SPATS2L: variants seen among roughly 807,000 people sequenced by gnomAD.
SPATS2L encodes the protein SPATS2-like protein.
In SPATS2L, 30 loss-of-function variants were observed where a neutral mutation model predicts 59.6. The observed-to-expected ratio is 0.50, with a 90% confidence interval of 0.38 to 0.68. SPATS2L has a LOEUF of 0.68. SPATS2L is among the 30% of genes least tolerant of loss of function. The pLI, the probability that SPATS2L is intolerant of heterozygous loss-of-function variation, is 0.00. For synonymous variants in SPATS2L, 252 were observed against 263.5 expected (o/e 0.96, Z 0.42); for missense variants, 615 against 700.0 (o/e 0.88, Z 1.37).
intron 8 of SPATS2L, among the ~76,000 whole-genome samples, chr2:200,458,875 A>G (rs1169220426): frequency 6.6e-6 from 1 of 152,212 alleles, no homozygotes; most frequent in Non-Finnish European, 1.5e-5. Context: ...TTAAAGATAT[A>G]TATTTAAATA....
intron 7 of SPATS2L, 66 bp from the exon 8 acceptor site, chr2:200,440,583 G>A: frequency 1.3e-6 from 2 of 1,491,882 alleles, no homozygotes; most frequent in South Asian, 2.4e-5. Context: ...GCTTTGTTTT[G>A]TTGTTTAGCT....
intron 2 of SPATS2L, among the ~76,000 whole-genome samples, chr2:200,345,304 C>T (rs1233105215): frequency 6.6e-6 from 1 of 152,070 alleles, no homozygotes; most frequent in African/African-American, 2.4e-5. Context: ...CCAGTTATTC[C>T]AGCAACAAAG....
At chr2:200,308,774 C>G (rs1247313049) in intron 1 of SPATS2L, 1 of 415,176 alleles carries the variant, frequency 2.4e-6, no homozygotes, top group African/African-American at 2.0e-5. Context: ...TGGCAATTTT[C>G]TTTCTTTAAT....
At chr2:200,385,233 C>A (rs995594250) in intron 2 of SPATS2L, among the ~76,000 whole-genome samples, 1 of 152,162 alleles carries the variant, frequency 6.6e-6, no homozygotes, top group Admixed American at 6.5e-5. Context: ...CACTGTAGGT[C>A]CTAAAAATCA....
At chr2:200,326,505 T>C (rs2079748176) in intron 1 of SPATS2L, among the ~76,000 whole-genome samples, 1 of 152,226 alleles carries the variant, frequency 6.6e-6, no homozygotes, top group Non-Finnish European at 1.5e-5. Context: ...TGAGCATTTT[T>C]CCTCAAAGTT....
At chr2:200,426,756 A>G (rs1200205028) in intron 6 of SPATS2L, among the ~76,000 whole-genome samples, 1 of 152,250 alleles carries the variant, frequency 6.6e-6, no homozygotes, top group East Asian at 1.9e-4. Context: ...TATATTTTAA[A>G]GCACATAATT....
intron 2 of SPATS2L, among the ~76,000 whole-genome samples, chr2:200,363,249 C>G (rs2081166878): frequency 6.6e-6 from 1 of 151,990 alleles, no homozygotes; most frequent in Admixed American, 6.6e-5. Flanking sequence ...TGCATTACTT[C>G]AGCAATATCC....
chr2:200,472,716 T>C (rs2087152153), intron 11 of SPATS2L, 116 bp from the exon 12 acceptor site: 4 of 871,472 alleles, frequency 4.6e-6, no homozygotes, highest in Non-Finnish European at 5.4e-6. Flanking sequence ...GAAAACTTTT[T>C]AATGTTTTTG....
chr2:200,473,082 G>GTAA, intron 12 of SPATS2L, 30 bp downstream of exon 12: 2 of 1,421,234 alleles, frequency 1.4e-6, no homozygotes, highest in Non-Finnish European at 9.4e-7. Context: ...GGGTGCCAGA[G>GTAA]GAAAAAAAAA....
chr2:200,412,490 T>C, intron 4 of SPATS2L, 71 bp downstream of exon 4: 1 of 835,396 alleles, frequency 1.2e-6, no homozygotes, highest in Non-Finnish European at 1.8e-6. Flanking sequence ...ATTTTTTCCT[T>C]AAATGAACTG....
chr2:200,385,052 G>A (rs752372380), intron 2 of SPATS2L, among the ~76,000 whole-genome samples: 2 of 152,166 alleles, frequency 1.3e-5, no homozygotes, highest in African/African-American at 4.8e-5. Context: ...GAGAAACCAG[G>A]TTCTTCTCAA....
intron 11 of SPATS2L, among the ~76,000 whole-genome samples, chr2:200,470,529 A>G (rs1574726138): frequency 6.6e-6 from 1 of 152,194 alleles, no homozygotes; most frequent in African/African-American, 2.4e-5. Context: ...CTTGTTCCCT[A>G]TTAAGCCTTA....
rs143968912 is a variant in SPATS2L at position 200,321,298 on chromosome 2, C to T, written c.-72-8133C>T. On this transcript the variant is annotated intron_variant, in intron 1 of 12. Transcript: ENST00000409140. ...GGAGATTTCAGCTCTGGCTATACAA[C>T]TTACGTAGTGACTATGAATTCCTTA... 2.9e-3 allele frequency among the ~76,000 whole-genome samples: 436 copies of T among 152,270 alleles called. 1 individual carries two copies. Among genetic ancestry groups the T allele is most frequent in the African/African-American group, 0.01 (420 of 41,574 alleles).
Position 200,439,526 on chromosome 2 carries a change from T to C in SPATS2L, c.652+198T>C, listed in dbSNP as rs377540526. Among the ~76,000 whole-genome samples the C allele has an allele frequency of 8.3e-4, 127 of 152,316 alleles. 2 individuals carry two copies. Among genetic ancestry groups the C allele is most frequent in the African/African-American group, 2.9e-3 (122 of 41,568 alleles). On this transcript the variant is annotated intron_variant, in intron 7 of 12. Transcript: ENST00000409140. The stretch of plus-strand genomic sequence containing the variant: ...TAATCAAAGGTCTTGAATATTTAAA[T>C]AGAATTACATCTCCTTTCTCTGCCC...
intron 8 of SPATS2L, among the ~76,000 whole-genome samples, chr2:200,442,977 G>C (rs769559755): frequency 6.6e-6 from 1 of 152,162 alleles, no homozygotes; most frequent in Non-Finnish European, 1.5e-5. Flanking sequence ...AACCAAAGAA[G>C]ACATTTAGAT....
intron 1 of SPATS2L, chr2:200,309,179 A>G (rs2079119746): frequency 1.4e-6 from 1 of 716,260 alleles, no homozygotes; most frequent in Non-Finnish European, 2.6e-6. Flanking sequence ...GTCTGCGATC[A>G]GAGTTGTGTT....
intron 3 of SPATS2L, among the ~76,000 whole-genome samples, chr2:200,407,659 C>T (rs554986814): frequency 6.6e-6 from 1 of 152,278 alleles, no homozygotes; most frequent in East Asian, 1.9e-4. Context: ...CCTTATTCTA[C>T]AGAATTAAAA....
intron 2 of SPATS2L, among the ~76,000 whole-genome samples, chr2:200,336,375 CAT>C (rs2080142913): frequency 6.6e-6 from 1 of 151,936 alleles, no homozygotes; most frequent in African/African-American, 2.4e-5. Context: ...AGGTATATAA[CAT>C]ATTAATACAA....
At chr2:200,310,643 C>G (rs956264151) in intron 1 of SPATS2L, among the ~76,000 whole-genome samples, 22 of 152,198 alleles carry the variant, frequency 1.4e-4, no homozygotes, top group Non-Finnish European at 2.9e-5. Context: ...CATGGCCTCC[C>G]CCATTGCCCA....
Sources: gnomAD v4.1 joint callset for allele counts (sites outside exome capture counted in the v4.1 genomes callset) on GRCh38, gnomAD v4.1.1 for gene constraint, MANE v1.5 for transcripts, NCBI Gene and HGNC (gene_info 2026-07-23, HGNC 2026-07-21) for gene names.